Variants in IL20RA observed in about 807,000 individuals in gnomAD.
The protein encoded by IL20RA is interleukin-20 receptor subunit alpha.
IL20RA carries 29 observed loss-of-function variants against 36.5 expected under a neutral mutation model. The ratio of observed to expected loss-of-function variants is 0.79; its 90% CI spans 0.59 to 1.08. The LOEUF (loss-of-function observed/expected upper bound fraction) is 1.08, where lower values mean the gene tolerates loss of function less well. Ranked by LOEUF, IL20RA falls within the 50% of genes least tolerant of loss-of-function variation. IL20RA has a pLI of 0.00. For synonymous variants in IL20RA, 279 were observed against 267.1 expected (o/e 1.04, Z -0.43); for missense variants, 652 against 668.4 (o/e 0.98, Z 0.27).
At position 137,026,967 on chromosome 6, in the gene IL20RA, C is replaced by T. The variant is rs923862237; in HGVS notation, c.89-9864G>A. On this transcript the variant is annotated intron_variant, in intron 1 of 6. Transcript: ENST00000316649. Reference sequence around the variant, plus strand: ...CGCAATCTTGGCTCACTGCAACCTCCGCCTCCCAGGCTGAAGCCATTCTCC... The same window carrying T: ...CGCAATCTTGGCTCACTGCAACCTCTGCCTCCCAGGCTGAAGCCATTCTCC... Among the ~76,000 whole-genome samples the T allele has an allele frequency of 7.9e-5, 12 of 152,120 alleles. No individual in the cohort carries two copies. In the East Asian group the frequency reaches 1.4e-3, roughly 17 times the overall value.
intron 5 of IL20RA, among the ~76,000 whole-genome samples, chr6:137,005,489 A>G (rs1430396381): frequency 6.6e-6 from 1 of 152,190 alleles, no homozygotes. Context: ...ATCAGGCCAT[A>G]TAGCTGATGA....
intron 3 of IL20RA, among the ~76,000 whole-genome samples, chr6:137,009,806 A>G (rs1280086632): frequency 6.6e-6 from 1 of 151,916 alleles, no homozygotes; most frequent in African/African-American, 2.4e-5. Context: ...GGGTTTCATC[A>G]TGTTGGCCAG....
chr6:137,010,182 A>G (rs765992482), intron 3 of IL20RA, among the ~76,000 whole-genome samples: 15 of 152,244 alleles, frequency 9.9e-5, no homozygotes, highest in Non-Finnish European at 1.6e-4. Context: ...CAGAGATGTG[A>G]TTAGAATGAT....
At chr6:137,036,117 C>T (rs1055025016) in intron 1 of IL20RA, among the ~76,000 whole-genome samples, 5 of 152,202 alleles carry the variant, frequency 3.3e-5, no homozygotes, top group Admixed American at 1.3e-4. Flanking sequence ...GAGAAGACCT[C>T]GTCCGGGCTC....
chr6:137,042,865 G>A (rs569243227), intron 1 of IL20RA: 4 of 152,282 alleles, frequency 2.6e-5, no homozygotes, highest in Non-Finnish European at 5.9e-5. Context: ...ATTACGAGCA[G>A]GTAGTATCCA....
At chr6:137,030,070 G>GTTTTTT (rs1188809232) in intron 1 of IL20RA, among the ~76,000 whole-genome samples, 9,341 of 62,798 alleles carry the variant, frequency 0.15, 2,994 homozygotes, top group Non-Finnish European at 0.19. Flanking sequence ...CGGTTTGCGG[G>GTTTTTT]TTTTTTTTTT....
intron 1 of IL20RA, among the ~76,000 whole-genome samples, chr6:137,021,134 C>T (rs760292078): frequency 1.6e-4 from 25 of 151,556 alleles, no homozygotes; most frequent in Non-Finnish European, 2.5e-4. Context: ...CTCTGCTTGT[C>T]GACATTTTAT....
intron 3 of IL20RA, 68 bp from the exon 4 acceptor site, chr6:137,009,560 T>A: frequency 1.1e-6 from 1 of 888,602 alleles, no homozygotes; most frequent in Non-Finnish European, 1.8e-6. Context: ...AGCTACCATA[T>A]AATCCTACTT....
chr6:137,040,771 A>G (rs1776664750), intron 1 of IL20RA, among the ~76,000 whole-genome samples: 1 of 152,244 alleles, frequency 6.6e-6, no homozygotes, highest in Non-Finnish European at 1.5e-5. Context: ...CAATGAATAA[A>G]TGTGGAAAAA....
chr6:137,042,566 G>A (rs1383912625), intron 1 of IL20RA, among the ~76,000 whole-genome samples: 6 of 152,278 alleles, frequency 3.9e-5, no homozygotes, highest in Non-Finnish European at 5.9e-5. Context: ...GAATGACAGC[G>A]TGTTGCACCT....
At chr6:137,027,812 T>C (rs1326180571) in intron 1 of IL20RA, among the ~76,000 whole-genome samples, 1 of 152,214 alleles carries the variant, frequency 6.6e-6, no homozygotes, top group Non-Finnish European at 1.5e-5. Flanking sequence ...TGGTGGATGC[T>C]CAGGCCCAAG....
intron 5 of IL20RA, 71 bp from the exon 6 acceptor site, chr6:137,004,831 A>G (rs548320727): frequency 1.4e-4 from 195 of 1,408,052 alleles, no homozygotes; most frequent in Non-Finnish European, 1.8e-4. Context: ...TGTGATGGGA[A>G]AAACCTCGTA....
At chr6:137,039,602 G>C (rs1668730100) in intron 1 of IL20RA, among the ~76,000 whole-genome samples, 2 of 152,138 alleles carry the variant, frequency 1.3e-5, no homozygotes, top group Middle Eastern at 6.8e-3. Context: ...AAATGAAGGA[G>C]ATGGCATGGA....
chr6:137,022,926 G>A (rs1175600519), intron 1 of IL20RA, among the ~76,000 whole-genome samples: 1 of 152,202 alleles, frequency 6.6e-6, no homozygotes, highest in East Asian at 1.9e-4. Flanking sequence ...CAGAAGGAGT[G>A]TGGTGCTGCC....
At position 137,011,361 on chromosome 6, in the gene IL20RA, G is replaced by C; in HGVS notation, c.316C>G (p.His106Asp). The C allele has an allele frequency of 6.2e-7, 1 of 1,613,514 alleles. No homozygotes were observed. Among genetic ancestry groups the C allele is most frequent in the Non-Finnish European group, 8.5e-7 (1 of 1,179,412 alleles). ...DLSAETSDYEHQYYAKVKAIW... is the reference protein window; with the variant it reads ...DLSAETSDYEDQYYAKVKAIW... ...GCCTTAACTTTGGCATAATACTGGT[G>C]TTCGTAGTCAGAAGTTTCAGCAGAA... is the stretch of plus-strand genomic sequence containing the variant. The change falls in exon 3 of 7, where the codon CAC (histidine) becomes GAC (aspartate). Residue 106 changes from histidine to aspartate, a missense_variant. His to Asp is a moderately conservative substitution (Grantham distance 81, BLOSUM62 -1). Coordinates refer to ENST00000316649, the MANE Select transcript of IL20RA (RefSeq NM_014432.4).
In IL20RA at chr6:137,014,878, T is replaced by C. The variant is rs372203057; in HGVS notation, c.224+2090A>G. 3.3e-5 allele frequency among the ~76,000 whole-genome samples: 5 copies of C among 152,214 alleles called. No individual in the cohort carries two copies. In the East Asian group the frequency reaches 7.7e-4, roughly 23 times the overall value. On this transcript the variant is annotated intron_variant, in intron 2 of 6. Coordinates refer to ENST00000316649, the MANE Select transcript of IL20RA (RefSeq NM_014432.4). ...TTTTGGGTTTGTCTTTATCTCTCTGTTAGCTGGAGGTCGTCTTTAGTTAGT... is the reference window on the plus strand; with the variant it reads ...TTTTGGGTTTGTCTTTATCTCTCTGCTAGCTGGAGGTCGTCTTTAGTTAGT...
At chr6:137,019,341 C>T (rs1775820808) in intron 1 of IL20RA, among the ~76,000 whole-genome samples, 1 of 151,968 alleles carries the variant, frequency 6.6e-6, no homozygotes, top group Non-Finnish European at 1.5e-5. Flanking sequence ...GTTGGCCAGG[C>T]TGGTCTCCAA....
intron 1 of IL20RA, among the ~76,000 whole-genome samples, chr6:137,035,474 T>C (rs1455675780): frequency 2.0e-5 from 3 of 152,224 alleles, no homozygotes; most frequent in Non-Finnish European, 4.4e-5. Flanking sequence ...ATTTACATTT[T>C]AATGCAATCA....
chr6:137,009,238 C>CTG, intron 4 of IL20RA, 79 bp downstream of exon 4: 1 of 1,112,240 alleles, frequency 9.0e-7, no homozygotes, highest in Non-Finnish European at 1.4e-6. Context: ...TGCAGAGAAT[C>CTG]AATGCATCAG....
Sources: gnomAD v4.1 joint callset for allele counts (sites outside exome capture counted in the v4.1 genomes callset) on GRCh38, gnomAD v4.1.1 for gene constraint, MANE v1.5 for transcripts, NCBI Gene and HGNC (gene_info 2026-07-23, HGNC 2026-07-21) for gene names.